Variants in BCAS3 observed in about 807,000 individuals in gnomAD.
The protein encoded by BCAS3 is BCAS3 microtubule associated cell migration factor, also known as BCAS4/BCAS3 fusion.
In BCAS3, 53 loss-of-function variants were observed where a neutral mutation model predicts 116.1. The ratio of observed to expected loss-of-function variants is 0.46; its 90% CI spans 0.37 to 0.57. The LOEUF (loss-of-function observed/expected upper bound fraction) is 0.57, where lower values mean the gene tolerates loss of function less well. Ranked by LOEUF, BCAS3 falls within the 20% of genes least tolerant of loss-of-function variation. The pLI is 0.00. For synonymous variants in BCAS3, 391 were observed against 408.2 expected (o/e 0.96, Z 0.51); for missense variants, 917 against 1,165.4 (o/e 0.79, Z 3.10).
intron 6 of BCAS3, among the ~76,000 whole-genome samples, chr17:60,757,842 A>G (rs551889264): frequency 6.6e-6 from 1 of 152,222 alleles, no homozygotes; most frequent in Admixed American, 6.5e-5. Context: ...GCCTAGACCT[A>G]TGTCTTGAAG....
At chr17:60,811,076 A>C in intron 7 of BCAS3, 1 of 633,746 alleles carries the variant, frequency 1.6e-6, no homozygotes, top group Non-Finnish European at 2.9e-6. Context: ...CGTACAGTCC[A>C]GTTCTTGGAT....
chr17:61,077,197 C>T lies in BCAS3; in HGVS notation c.2131-1136C>T, dbSNP rs1436034651. Among the ~76,000 whole-genome samples the T allele has an allele frequency of 1.3e-5, 2 of 151,784 alleles. No homozygotes were observed. Among genetic ancestry groups the T allele is most frequent in the Non-Finnish European group, 2.9e-5 (2 of 67,966 alleles). On this transcript the variant is annotated intron_variant, in intron 20 of 23. Coordinates refer to ENST00000407086, the MANE Select transcript of BCAS3 (RefSeq NM_017679.5). The surrounding 1 kb of genome is among the most constrained non-coding windows in gnomAD (Gnocchi z 4.3). ...TCAGGTTTTTCCAAGTGTCTTCTAC[C>T]CACTTCTTTGACTTTATAATGTTTA...
chr17:60,860,819 T>C (rs2054094802), intron 7 of BCAS3, among the ~76,000 whole-genome samples: 1 of 152,206 alleles, frequency 6.6e-6, no homozygotes, highest in African/African-American at 2.4e-5. Context: ...GCTTTATTTC[T>C]AGGTTCTCCA....
chr17:60,893,600 C>CTTTTT (rs930873750), intron 10 of BCAS3, among the ~76,000 whole-genome samples: 42 of 82,054 alleles, frequency 5.1e-4, no homozygotes, highest in African/African-American at 6.4e-4. Flanking sequence ...GACCTATGAT[C>CTTTTT]TTTTTTTTTT....
intron 2 of BCAS3, 70 bp from the exon 3 acceptor site, chr17:60,683,912 T>G: frequency 7.6e-7 from 1 of 1,307,912 alleles, no homozygotes; most frequent in Non-Finnish European, 1.1e-6. Flanking sequence ...TTAAGGCTTG[T>G]AAATAGAGCT....
rs1393523119 is a variant in BCAS3, at chr17:61,366,478, G to A, written c.2426-1849G>A. Among the ~76,000 whole-genome samples the A allele has an allele frequency of 2.0e-5, 3 of 152,214 alleles. No homozygotes were observed. The highest frequency in any genetic ancestry group is 4.4e-5 in the Non-Finnish European group (3 of 68,040). On this transcript the variant is annotated intron_variant, in intron 22 of 23. Transcript: ENST00000407086. The surrounding 1 kb of genome is among the most constrained non-coding windows in gnomAD (Gnocchi z 4.5). ...GTCCTGTGTGTCCCTGGGGAGCTAG[G>A]CACCTGGGAGTTGTTGCCAAGGGTG... is the stretch of plus-strand genomic sequence containing the variant.
At chr17:61,202,455 A>G (rs1291741607) in intron 22 of BCAS3, among the ~76,000 whole-genome samples, 2 of 151,596 alleles carry the variant, frequency 1.3e-5, no homozygotes, top group East Asian at 3.9e-4. Flanking sequence ...AACACTCTCA[A>G]CAAAGAGTTT....
intron 22 of BCAS3, among the ~76,000 whole-genome samples, chr17:61,342,415 G>C (rs1395400376): frequency 6.6e-6 from 1 of 152,142 alleles, no homozygotes; most frequent in Admixed American, 6.5e-5. Flanking sequence ...CAAAGTGCTG[G>C]GATTACAGGC....
intron 10 of BCAS3, among the ~76,000 whole-genome samples, chr17:60,894,534 C>T (rs905059049): frequency 6.6e-6 from 1 of 152,176 alleles, no homozygotes; most frequent in African/African-American, 2.4e-5. Flanking sequence ...GTGACTTCTA[C>T]TTTTCCAATT....
rs186073830 is a variant in BCAS3 at position 61,130,221 on chromosome 17, C to T, written c.2425+45657C>T. 5.1e-4 allele frequency among the ~76,000 whole-genome samples: 77 copies of T among 152,298 alleles called. 1 individual carries two copies. The highest frequency in any genetic ancestry group is 1.6e-3 in the African/African-American group (66 of 41,568). On this transcript the variant is annotated intron_variant, in intron 22 of 23. Coordinates refer to ENST00000407086, the MANE Select transcript of BCAS3 (RefSeq NM_017679.5). The surrounding 1 kb of genome is among the most constrained non-coding windows in gnomAD (Gnocchi z 5.0). ...AATTTACTGTAAACACTTTTTTATA[C>T]GTCTCATGCTTATTAATACTTAATA...
intron 19 of BCAS3, among the ~76,000 whole-genome samples, chr17:61,046,067 A>AT (rs1202407324): frequency 3.5e-5 from 1 of 28,612 alleles, no homozygotes; most frequent in Non-Finnish European, 5.1e-5. Context: ...TTATATATAT[A>AT]TAATATATAT....
chr17:60,961,230 A>G lies in BCAS3; in HGVS notation c.1221+13878A>G, dbSNP rs1307232020. 6.6e-6 allele frequency among the ~76,000 whole-genome samples: 1 copy of G among 152,314 alleles called. No individual in the cohort carries two copies. Among genetic ancestry groups the G allele is most frequent in the East Asian group, 1.9e-4 (1 of 5,186 alleles). The stretch of plus-strand genomic sequence containing the variant: ...ATATCATAAATTTTGTCATTTAGCT[A>G]TGATGGAATGATAGGAACTGGATTA... On this transcript the variant is annotated intron_variant, in intron 14 of 23. Coordinates refer to ENST00000407086, the MANE Select transcript of BCAS3 (RefSeq NM_017679.5). This position sits in a 1 kb window ranked among gnomAD's most constrained non-coding sequence, Gnocchi z 4.8.
intron 14 of BCAS3, among the ~76,000 whole-genome samples, chr17:60,978,756 G>C (rs570355146): frequency 3.3e-5 from 5 of 150,066 alleles, no homozygotes; most frequent in East Asian, 3.9e-4. Flanking sequence ...TTATTAAATA[G>C]GGAATCCTTT....
intron 6 of BCAS3, among the ~76,000 whole-genome samples, chr17:60,792,476 G>T (rs1260049178): frequency 6.6e-6 from 1 of 152,228 alleles, no homozygotes; most frequent in East Asian, 1.9e-4. Flanking sequence ...AGCCTGCCAG[G>T]CTGAGTGGGC....
At position 61,377,254 on chromosome 17, in the gene BCAS3, A is replaced by G. The variant is rs9907356; in HGVS notation, c.2593+8760A>G. ...AGAGGCACAGGGCCACCAGATAGAG[A>G]GCCCAGTCCCACCAGCAGGTCACAA... On this transcript the variant is annotated intron_variant, in intron 23 of 23. Transcript: ENST00000407086. The surrounding 1 kb of genome is among the most constrained non-coding windows in gnomAD (Gnocchi z 4.6). Among the ~76,000 whole-genome samples, 117,947 of 152,140 alleles carry G rather than the reference A, an allele frequency of 0.78. 49,739 individuals are homozygous for G. Among genetic ancestry groups the G allele is most frequent in the Non-Finnish European group, 0.93 (63,266 of 68,012 alleles).
chr17:60,739,907 C>CT (rs533831394), intron 5 of BCAS3, among the ~76,000 whole-genome samples: 85 of 150,636 alleles, frequency 5.6e-4, no homozygotes, highest in Non-Finnish European at 1.1e-3. Context: ...ACACAACACT[C>CT]TAAGTGCTTC....
intron 4 of BCAS3, among the ~76,000 whole-genome samples, chr17:60,694,895 C>G (rs2035376864): frequency 6.6e-6 from 1 of 152,088 alleles, no homozygotes; most frequent in African/African-American, 2.4e-5. Flanking sequence ...ACTCCACAGT[C>G]TCTACCTCCT....
At chr17:60,776,914 C>T (rs985066009) in intron 6 of BCAS3, among the ~76,000 whole-genome samples, 3 of 150,234 alleles carry the variant, frequency 2.0e-5, no homozygotes, top group African/African-American at 4.9e-5. Context: ...ACTCGGGAGG[C>T]TTAGGCAGGA....
intron 6 of BCAS3, among the ~76,000 whole-genome samples, chr17:60,769,905 G>T (rs112499710): frequency 0.044 from 6,734 of 152,048 alleles, 478 homozygotes; most frequent in African/African-American, 0.15. Flanking sequence ...CTCCTGAGTA[G>T]CTGGGATTAC....
Sources: allele counts gnomAD v4.1 joint callset (sites outside exome capture counted in the v4.1 genomes callset), GRCh38; gene constraint gnomAD v4.1.1; non-coding constraint Gnocchi (gnomAD v3.1); transcripts MANE v1.5; gene names NCBI Gene and HGNC (gene_info 2026-07-23, HGNC 2026-07-21).